The following PMM2 variants were observed in gnomAD, a reference collection of about 807,000 sequenced individuals.
The protein encoded by PMM2 is mannose-6-phosphate isomerase.
Under a neutral mutation model 33.2 loss-of-function variants are expected in PMM2, and 35 were observed. The observed-to-expected ratio is 1.06, with a 90% confidence interval of 0.81 to 1.40. The LOEUF (loss-of-function observed/expected upper bound fraction) is 1.40, where lower values mean the gene tolerates loss of function less well. Ranked by LOEUF, PMM2 falls within the 40% of genes most tolerant of loss-of-function variation. The pLI is 0.00. For missense variants in PMM2, 386 were observed against 306.0 expected (o/e 1.26, Z -1.95); for synonymous variants, 153 against 114.7 (o/e 1.33, Z -2.13).
At chr16:8,844,606 A>T (rs1055302838) in intron 7 of PMM2, among the ~76,000 whole-genome samples, 1 of 152,208 alleles carries the variant, frequency 6.6e-6, no homozygotes, top group Non-Finnish European at 1.5e-5. Flanking sequence ...GGACCAAGGC[A>T]GGTGTCCCTG....
chr16:8,807,782 A>C (rs2060655619), intron 4 of PMM2: 1 of 152,306 alleles, frequency 6.6e-6, no homozygotes, highest in Non-Finnish European at 1.5e-5. Flanking sequence ...GGCATTAGCC[A>C]CTGCCCCTGG....
intron 7 of PMM2, among the ~76,000 whole-genome samples, chr16:8,837,384 T>A (rs150078584): frequency 0.032 from 4,790 of 152,060 alleles, 169 homozygotes; most frequent in African/African-American, 0.084. Context: ...GGCATTTATT[T>A]AGGTTTTAGG....
chr16:8,811,587 C>G (rs756499613), intron 5 of PMM2, 51 bp from the exon 6 acceptor site: 26 of 1,154,400 alleles, frequency 2.3e-5, no homozygotes, highest in Admixed American at 8.4e-5. Context: ...TAAAACTGTG[C>G]TTTCTAAACT....
intron 7 of PMM2, among the ~76,000 whole-genome samples, chr16:8,819,992 C>G (rs527803792): frequency 7.9e-5 from 12 of 152,166 alleles, no homozygotes; most frequent in African/African-American, 2.7e-4. Context: ...ACATTTTATT[C>G]TCCAGAAATG....
chr16:8,806,522 A>C, intron 4 of PMM2, 115 bp downstream of exon 4: 1 of 765,896 alleles, frequency 1.3e-6, no homozygotes, highest in Non-Finnish European at 2.3e-6. Flanking sequence ...AGTTTTAAAA[A>C]CAAAGTCTGA....
intron 1 of PMM2, among the ~76,000 whole-genome samples, chr16:8,801,322 C>G (rs1365676196): frequency 6.6e-6 from 1 of 152,192 alleles, no homozygotes; most frequent in Non-Finnish European, 1.5e-5. Context: ...AGATGCCCCC[C>G]CAGTTACAAC....
intron 7 of PMM2, among the ~76,000 whole-genome samples, chr16:8,828,530 G>A (rs2060791617): frequency 6.6e-6 from 1 of 152,132 alleles, no homozygotes; most frequent in Non-Finnish European, 1.5e-5. Context: ...ACTGTCACAT[G>A]TCCTCTCAGA....
chr16:8,802,267 T>A (rs1426085715), intron 2 of PMM2: 1 of 452,798 alleles, frequency 2.2e-6, no homozygotes, highest in Admixed American at 2.4e-5. Flanking sequence ...ACAGCCCCCC[T>A]CACCTCCCCA....
chr16:8,831,977 C>A (rs982914588), intron 7 of PMM2: 1 of 219,534 alleles, frequency 4.6e-6, no homozygotes, highest in African/African-American at 2.3e-5. Flanking sequence ...TGGGAGGTGG[C>A]TGAGTTCCCC....
rs942954833 is a variant in PMM2 at position 8,810,908 on chromosome 16, C to G, written c.348-171C>G. The G allele has an allele frequency of 2.4e-4, 154 of 643,568 alleles. 1 individual carries two copies. The highest frequency in any genetic ancestry group is 8.4e-5 in the Non-Finnish European group (30 of 356,356). 39.9% of individuals were successfully genotyped at this position (643,568 alleles called of 1,614,324 possible). ...AATTCATATTAGCCACATTTCAAGT[C>G]TTAATAGTCACAGTAGTTCATGGCT... On this transcript the variant is annotated intron_variant, in intron 4 of 7. Transcript: ENST00000268261.
intron 7 of PMM2, among the ~76,000 whole-genome samples, chr16:8,827,878 A>G (rs1344209054): frequency 0.011 from 757 of 71,940 alleles, 4 homozygotes; most frequent in East Asian, 0.053. Flanking sequence ...TATATATGTT[A>G]TATAATATAT....
At chr16:8,842,327 G>C (rs1367366868) in intron 7 of PMM2, 5 of 152,434 alleles carry the variant, frequency 3.3e-5, no homozygotes, top group Admixed American at 2.6e-4. Flanking sequence ...GTCTTGTTGA[G>C]AAGATTCAAA....
intron 2 of PMM2, among the ~76,000 whole-genome samples, chr16:8,803,071 C>T (rs1366677658): frequency 6.6e-6 from 1 of 152,166 alleles, no homozygotes; most frequent in African/African-American, 2.4e-5. Flanking sequence ...CACACACGCA[C>T]ACATACGGCT....
At chr16:8,815,608 T>C (rs975187657) in intron 7 of PMM2, among the ~76,000 whole-genome samples, 3 of 152,068 alleles carry the variant, frequency 2.0e-5, no homozygotes, top group Non-Finnish European at 4.4e-5. Context: ...CCATTATGAA[T>C]AATGCTTCAG....
chr16:8,830,726 G>A (rs1031986923), intron 7 of PMM2, among the ~76,000 whole-genome samples: 1 of 152,232 alleles, frequency 6.6e-6, no homozygotes, highest in African/African-American at 2.4e-5. Context: ...CAGAGGCTCC[G>A]TGGCTCCAAA....
At position 8,811,077 on chromosome 16, in the gene PMM2, A is replaced by G. The variant is rs1555449603; in HGVS notation, c.348-2A>G. The G allele has an allele frequency of 3.9e-6, 6 of 1,542,186 alleles. No homozygotes were observed. The highest frequency in any genetic ancestry group is 4.4e-6 in the Non-Finnish European group (5 of 1,132,576). On this transcript the variant is annotated splice_acceptor_variant, in intron 4 of 7. Coordinates refer to ENST00000268261, the MANE Select transcript of PMM2 (RefSeq NM_000303.3). LOFTEE classifies it high-confidence loss of function. Reference sequence around the variant, plus strand: ...GAAACTCTGTCACCCTTTCATTCCCAGGGGTACTTTCATTGAATTCCGAAA... The same window carrying G: ...GAAACTCTGTCACCCTTTCATTCCCGGGGGTACTTTCATTGAATTCCGAAA...
chr16:8,840,748 C>T (rs541915386), intron 7 of PMM2, among the ~76,000 whole-genome samples: 3 of 152,032 alleles, frequency 2.0e-5, no homozygotes, highest in East Asian at 1.9e-4. Flanking sequence ...ATCCTGCAGG[C>T]GGACAGCAGT....
In PMM2 at chr16:8,811,190, T is replaced by A; in HGVS notation, c.447+12T>A. ...ACGAACTCGATAAAGTACGTCTTTC[T>A]GAAATATCTTTGGTGAATGGCTGGG... On this transcript the variant is annotated intron_variant, in intron 5 of 7. Coordinates refer to ENST00000268261, the MANE Select transcript of PMM2 (RefSeq NM_000303.3). 6.7e-7 allele frequency: 1 copy of A among 1,498,278 alleles called. No individual in the cohort carries two copies. The highest frequency in any genetic ancestry group is 9.1e-7 in the Non-Finnish European group (1 of 1,095,008). 92.8% of individuals were successfully genotyped at this position (1,498,278 alleles called of 1,614,324 possible).
chr16:8,808,444 A>G (rs1373352735), intron 4 of PMM2: 1 of 152,122 alleles, frequency 6.6e-6, no homozygotes, highest in Admixed American at 6.5e-5. Flanking sequence ...GTGGAGAGCC[A>G]TAATTCCAGA....
Sources: gnomAD v4.1 joint callset for allele counts (sites outside exome capture counted in the v4.1 genomes callset) on GRCh38, gnomAD v4.1.1 for gene constraint, MANE v1.5 for transcripts, NCBI Gene and HGNC (gene_info 2026-07-23, HGNC 2026-07-21) for gene names.